The following SYT13 variants were observed in gnomAD, a reference collection of about 807,000 sequenced individuals.
SYT13 encodes the protein synaptotagmin 13.
In SYT13, 21 loss-of-function variants were observed where a neutral mutation model predicts 38.6. The observed-to-expected ratio is 0.54, with a 90% CI of 0.39 to 0.78. SYT13 has a LOEUF of 0.78. SYT13 is among the 30% of genes least tolerant of loss of function. SYT13 has a pLI of 0.00. For missense variants in SYT13, 495 were observed against 548.7 expected (o/e 0.90, Z 0.98); for synonymous variants, 241 against 237.6 (o/e 1.01, Z -0.13).
intron 1 of SYT13, among the ~76,000 whole-genome samples, chr11:45,283,800 A>T (rs1855103109): frequency 6.6e-6 from 1 of 152,020 alleles, no homozygotes; most frequent in African/African-American, 2.4e-5. Context: ...CCATTGGATG[A>T]CCCCTGAGAT....
At chr11:45,263,624 T>C (rs766082033) in intron 1 of SYT13, among the ~76,000 whole-genome samples, 6 of 152,194 alleles carry the variant, frequency 3.9e-5, no homozygotes, top group Non-Finnish European at 7.4e-5. Flanking sequence ...GTCTATAGTA[T>C]AGCTAAGCCC....
At chr11:45,261,575 G>C (rs1222977829) in intron 1 of SYT13, among the ~76,000 whole-genome samples, 1 of 151,586 alleles carries the variant, frequency 6.6e-6, no homozygotes, top group East Asian at 1.9e-4. Flanking sequence ...TCCAGCCTGG[G>C]TGTAGAGCGA....
intron 1 of SYT13, among the ~76,000 whole-genome samples, chr11:45,282,076 G>T (rs1855081237): frequency 6.6e-6 from 1 of 152,184 alleles, no homozygotes; most frequent in African/African-American, 2.4e-5. Flanking sequence ...GAACCCATGG[G>T]TCTGGCCGCC....
chr11:45,255,716 C>T lies in SYT13; in HGVS notation c.359G>A (p.Ser120Asn), dbSNP rs1293684019. The change falls in exon 2 of 6, where the codon AGT becomes AAT. Residue 120 changes from serine to asparagine, a missense_variant. Coordinates refer to ENST00000020926, the MANE Select transcript of SYT13 (RefSeq NM_020826.3). ...CTCTGTGACCTGCCTCTTGAGGCGACTGTCATTCGGGGGTTGGGGGCTGGC... is the reference window on the plus strand; with the variant it reads ...CTCTGTGACCTGCCTCTTGAGGCGATTGTCATTCGGGGGTTGGGGGCTGGC... ...APASPQPPND[S>N]RLKRQVTEEL... is the part of the protein sequence containing the mutation. 6 of 1,614,000 alleles carry T rather than the reference C, an allele frequency of 3.7e-6. No homozygotes were observed. The Admixed American group carries it at 8.3e-5, about 22-fold the overall frequency.
At chr11:45,285,272 C>T (rs1453514408) in intron 1 of SYT13, among the ~76,000 whole-genome samples, 1 of 152,214 alleles carries the variant, frequency 6.6e-6, no homozygotes, top group Non-Finnish European at 1.5e-5. Context: ...AATGGGAGCA[C>T]GGGCTATTTC....
intron 1 of SYT13, among the ~76,000 whole-genome samples, chr11:45,281,672 A>C (rs1855075641): frequency 7.1e-6 from 1 of 140,674 alleles, no homozygotes; most frequent in South Asian, 2.5e-4. Flanking sequence ...GCCTCAAAAA[A>C]AAAAAAAAAA....
chr11:45,245,712 G>C (rs958806993), intron 5 of SYT13, among the ~76,000 whole-genome samples: 1 of 152,218 alleles, frequency 6.6e-6, no homozygotes, highest in African/African-American at 2.4e-5. Flanking sequence ...ACCTGGGCTG[G>C]GGTATCCAGA....
At chr11:45,259,187 C>T (rs1048324956) in intron 1 of SYT13, among the ~76,000 whole-genome samples, 2 of 152,306 alleles carry the variant, frequency 1.3e-5, no homozygotes, top group Admixed American at 1.3e-4. Context: ...GGCACAAAAG[C>T]GTTCCCAGAG....
Position 45,248,142 on chromosome 11 carries a change from G to A in SYT13, c.847-1630C>T, listed in dbSNP as rs115085767. 6.8e-3 allele frequency among the ~76,000 whole-genome samples: 1,033 copies of A among 152,264 alleles called. 15 individuals carry two copies. The highest frequency in any genetic ancestry group is 0.024 in the African/African-American group (991 of 41,558). On this transcript the variant is annotated intron_variant, in intron 4 of 5. Coordinates refer to ENST00000020926, the MANE Select transcript of SYT13 (RefSeq NM_020826.3). Reference sequence around the variant, plus strand: ...CTGCATGACCCCAATGATTCCACAAGTCTTGAGGGACTGGTCATATGAAGA... The same window carrying A: ...CTGCATGACCCCAATGATTCCACAAATCTTGAGGGACTGGTCATATGAAGA...
chr11:45,276,721 A>AT (rs57567209), intron 1 of SYT13, among the ~76,000 whole-genome samples: 44,242 of 150,428 alleles, frequency 0.29, 6,646 homozygotes, highest in South Asian at 0.4. Flanking sequence ...TTAAAAAAAA[A>AT]AAATAAATAA....
intron 1 of SYT13, among the ~76,000 whole-genome samples, chr11:45,263,644 G>C (rs931417293): frequency 2.6e-5 from 4 of 152,228 alleles, no homozygotes; most frequent in Admixed American, 6.5e-5. Context: ...CCCGCCAAGG[G>C]GGTAGTGAGG....
chr11:45,270,674 A>T (rs548857502), intron 1 of SYT13, among the ~76,000 whole-genome samples: 1 of 152,222 alleles, frequency 6.6e-6, no homozygotes, highest in African/African-American at 2.4e-5. Flanking sequence ...AGGTAAATCT[A>T]CAAAACCATC....
intron 5 of SYT13, 92 bp from the exon 6 acceptor site, chr11:45,244,448 G>T: frequency 6.9e-7 from 1 of 1,443,406 alleles, no homozygotes; most frequent in Non-Finnish European, 9.3e-7. Context: ...GCTCCCTCCT[G>T]GTGCTGGAAA....
At chr11:45,260,929 C>T (rs1276148134) in intron 1 of SYT13, among the ~76,000 whole-genome samples, 1 of 152,174 alleles carries the variant, frequency 6.6e-6, no homozygotes, top group African/African-American at 2.4e-5. Flanking sequence ...CTTCTCCATG[C>T]CTGCTGAGTT....
chr11:45,261,414 A>G lies in SYT13; in HGVS notation c.184-5523T>C, dbSNP rs184074160. The stretch of plus-strand genomic sequence containing the variant: ...AGACCATCCTGGCTAACACGGTGAA[A>G]CCCCGTCTCTACTAAAAACACACAC... On this transcript the variant is annotated intron_variant, in intron 1 of 5. Transcript: ENST00000020926. Among the ~76,000 whole-genome samples, 1,054 of 152,056 alleles carry G rather than the reference A, an allele frequency of 6.9e-3. 42 individuals carry two copies. The highest frequency in any genetic ancestry group is 0.059 in the Admixed American group (898 of 15,274).
chr11:45,249,175 A>G (rs962884854), intron 4 of SYT13, among the ~76,000 whole-genome samples: 1 of 152,254 alleles, frequency 6.6e-6, no homozygotes, highest in African/African-American at 2.4e-5. Context: ...TGCTTATCAG[A>G]GAAATGCAAA....
chr11:45,265,170 T>C (rs1190149697), intron 1 of SYT13, among the ~76,000 whole-genome samples: 1 of 152,222 alleles, frequency 6.6e-6, no homozygotes, highest in Non-Finnish European at 1.5e-5. Context: ...ACAAAAGGAA[T>C]GAGTTTCAGG....
intron 5 of SYT13, among the ~76,000 whole-genome samples, 182 bp downstream of exon 5, chr11:45,246,201 T>C (rs1240770403): frequency 1.3e-5 from 2 of 152,070 alleles, no homozygotes; most frequent in Non-Finnish European, 2.9e-5. Context: ...TAGAAGTGAG[T>C]GTGTCCTCGA....
intron 3 of SYT13, chr11:45,253,868 C>T (rs1211063993): frequency 1.3e-5 from 2 of 154,434 alleles, no homozygotes; most frequent in Non-Finnish European, 2.9e-5. Flanking sequence ...TGAGCTACGG[C>T]CAATGGGATG....
Sources: allele counts gnomAD v4.1 joint callset (sites outside exome capture counted in the v4.1 genomes callset), GRCh38; gene constraint gnomAD v4.1.1; transcripts MANE v1.5; gene names NCBI Gene and HGNC (gene_info 2026-07-23, HGNC 2026-07-21).